The following SGPL1 variants were observed in gnomAD, a reference collection of about 807,000 sequenced individuals.
SGPL1 encodes sphingosine-1-phosphate lyase 1.
In SGPL1, 37 loss-of-function variants were observed where a neutral mutation model predicts 68.9. The observed-to-expected ratio is 0.54, with a 90% CI of 0.41 to 0.71. The LOEUF is 0.71. SGPL1 is among the 30% of genes least tolerant of loss of function. The pLI is 0.00. For missense variants in SGPL1, 551 were observed against 704.6 expected, an observed-to-expected ratio of 0.78 and a Z score of 2.47; for synonymous variants, 236 against 248.5, an observed-to-expected ratio of 0.95 and a Z score of 0.47.
chr10:70,837,289 G>A (rs1224609654), intron 2 of SGPL1, among the ~76,000 whole-genome samples: 1 of 151,834 alleles, frequency 6.6e-6, no homozygotes, highest in Non-Finnish European at 1.5e-5. Context: ...TGTTAGCCAG[G>A]CTGGTCTCAA....
chr10:70,879,542 G>C lies in SGPL1; in HGVS notation c.*2207G>C, dbSNP rs1258937574. 1 of 152,496 alleles carries C rather than the reference G, an allele frequency of 6.6e-6. No homozygotes were observed. The highest frequency in any genetic ancestry group is 1.5e-5 in the Non-Finnish European group (1 of 68,330). 9.4% of individuals were successfully genotyped at this position (152,496 alleles called of 1,614,324 possible). A position where few individuals can be genotyped will look rare whatever the true frequency, so the allele number is the denominator to read the frequency against. Reference sequence around the variant, plus strand: ...AGCTGTTTGGTCAGTGCATTATGTTGAATGAGGTCCAGGAACCCAGAGCCA... The same window carrying C: ...AGCTGTTTGGTCAGTGCATTATGTTCAATGAGGTCCAGGAACCCAGAGCCA... On this transcript the variant is annotated 3_prime_UTR_variant, in exon 15 of 15. Transcript: ENST00000373202.
chr10:70,836,117 CT>C (rs2131870514), intron 2 of SGPL1, among the ~76,000 whole-genome samples: 1 of 152,326 alleles, frequency 6.6e-6, no homozygotes, highest in South Asian at 2.1e-4. Context: ...ATCTGTGTGC[CT>C]GTGGCAGTTC....
chr10:70,837,466 T>C (rs983936670), intron 2 of SGPL1, among the ~76,000 whole-genome samples: 2 of 152,220 alleles, frequency 1.3e-5, no homozygotes, highest in Admixed American at 1.3e-4. Flanking sequence ...TTATTCCCTC[T>C]GTAATCAGAG....
intron 9 of SGPL1, among the ~76,000 whole-genome samples, 156 bp from the exon 10 acceptor site, chr10:70,870,892 G>A (rs1846282336): frequency 1.3e-5 from 2 of 152,194 alleles, no homozygotes; most frequent in Non-Finnish European, 2.9e-5. Flanking sequence ...TCCTGTCACC[G>A]TGGTGGGATG....
intron 2 of SGPL1, among the ~76,000 whole-genome samples, chr10:70,822,290 A>G (rs930046504): frequency 6.6e-6 from 1 of 152,226 alleles, no homozygotes; most frequent in Non-Finnish European, 1.5e-5. Flanking sequence ...TCCCAGTGTT[A>G]TAGATGAAAC....
Position 70,868,355 on chromosome 10 carries a change from G to C in SGPL1, c.626G>C (p.Gly209Ala). ...TCTTCTTTATTATAGGTGACTTCTGGGGGAACAGAAAGCATACTGATGGCC... is the reference window on the plus strand; with the variant it reads ...TCTTCTTTATTATAGGTGACTTCTGCGGGAACAGAAAGCATACTGATGGCC... ...GPDSCGCVTSGGTESILMACK... is the reference protein window; with the variant it reads ...GPDSCGCVTSAGTESILMACK... Residue 209 changes from glycine (G) to alanine (A), a missense_variant, in exon 8 of 15, where the codon GGG (glycine) becomes GCG (alanine). Transcript: ENST00000373202. The C allele has an allele frequency of 6.2e-7, 1 of 1,611,458 alleles. No individual in the cohort carries two copies. The highest frequency in any genetic ancestry group is 8.5e-7 in the Non-Finnish European group (1 of 1,178,698).
intron 2 of SGPL1, among the ~76,000 whole-genome samples, chr10:70,832,790 C>T (rs933120136): frequency 6.6e-6 from 1 of 152,184 alleles, no homozygotes; most frequent in African/African-American, 2.4e-5. Flanking sequence ...ATCTTACCTA[C>T]TTGCCTTAGG....
intron 2 of SGPL1, among the ~76,000 whole-genome samples, chr10:70,818,185 A>G (rs1393321613): frequency 6.6e-6 from 1 of 152,182 alleles, no homozygotes; most frequent in East Asian, 1.9e-4. Context: ...CAATGGCACA[A>G]TCTCAGCTCA....
chr10:70,862,430 A>T (rs998182645), intron 7 of SGPL1, among the ~76,000 whole-genome samples: 1 of 152,132 alleles, frequency 6.6e-6, no homozygotes, highest in Non-Finnish European at 1.5e-5. Context: ...TGGCTCTACC[A>T]ATCAGCAGGA....
intron 2 of SGPL1, among the ~76,000 whole-genome samples, chr10:70,841,163 T>C (rs1589455342): frequency 1.3e-5 from 2 of 152,136 alleles, no homozygotes; most frequent in East Asian, 3.9e-4. Flanking sequence ...TGCCATTGCT[T>C]TGGATTGAGG....
chr10:70,851,298 G>C, intron 4 of SGPL1, 88 bp downstream of exon 4: 1 of 1,169,306 alleles, frequency 8.6e-7, no homozygotes, highest in Admixed American at 1.8e-5. Flanking sequence ...TTCTCAAAGT[G>C]GAGGGGTGAT....
Position 70,857,678 on chromosome 10 carries a change from G to A in SGPL1, c.474G>A (p.Glu158=). The change falls in exon 6 of 15, where the codon GAG becomes GAA. Residue 158 remains glutamate, a synonymous_variant. Coordinates refer to ENST00000373202, the MANE Select transcript of SGPL1 (RefSeq NM_003901.4). ...ACAGTGGGGAGGAGAAGCTCACTGA[G>A]CTCCTTGTGAAGGTGAGTGTCCAGT... The part of the protein sequence containing the change: ...TVYSGEEKLT[E]LLVKAYGDFA... 3 of 1,610,766 alleles carry A rather than the reference G, an allele frequency of 1.9e-6. No individual in the cohort carries two copies. The highest frequency in any genetic ancestry group is 1.7e-6 in the Non-Finnish European group (2 of 1,177,948).
At chr10:70,821,820 A>G (rs1057471420) in intron 2 of SGPL1, among the ~76,000 whole-genome samples, 34 of 151,998 alleles carry the variant, frequency 2.2e-4, no homozygotes, top group Non-Finnish European at 7.4e-5. Context: ...CGTGTCTGTT[A>G]TTGTCTCACT....
At chr10:70,861,243 T>TAG (rs1377776132) in intron 7 of SGPL1, among the ~76,000 whole-genome samples, 2 of 146,598 alleles carry the variant, frequency 1.4e-5, no homozygotes, top group Admixed American at 1.4e-4. Flanking sequence ...GACAAAGAAA[T>TAG]AGAAGGTATG....
chr10:70,822,756 A>G (rs953969148), intron 2 of SGPL1, among the ~76,000 whole-genome samples: 15 of 151,420 alleles, frequency 9.9e-5, no homozygotes, highest in African/African-American at 3.6e-4. Context: ...TAGGTGAAAC[A>G]TCTAAGGGCT....
Position 70,859,348 on chromosome 10 carries a change from C to T in SGPL1, c.487-23C>T, listed in dbSNP as rs528524493. 10 of 1,400,630 alleles carry T rather than the reference C, an allele frequency of 7.1e-6. No homozygotes were observed. The South Asian group carries it at 1.1e-4, about 15-fold the overall frequency. The allele number at this position is 1,400,630 out of a possible 1,614,324, so 86.8% of individuals were successfully genotyped here. A position where few individuals can be genotyped will look rare whatever the true frequency, so the allele number is the denominator to read the frequency against. ...GTATAGTGTAATAGTTTTGATTTCA[C>T]ATCTGCTTGCATTTTTTTGCAGGCT... On this transcript the variant is annotated intron_variant, in intron 6 of 14. Coordinates refer to ENST00000373202, the MANE Select transcript of SGPL1 (RefSeq NM_003901.4).
chr10:70,862,026 A>C (rs1001903513), intron 7 of SGPL1, among the ~76,000 whole-genome samples: 3 of 150,972 alleles, frequency 2.0e-5, no homozygotes, highest in Non-Finnish European at 3.0e-5. Flanking sequence ...TGAGGAGTGC[A>C]GGCGCACAGC....
intron 14 of SGPL1, 116 bp downstream of exon 14, chr10:70,876,777 CT>C: frequency 1.1e-6 from 1 of 941,388 alleles, no homozygotes; most frequent in Non-Finnish European, 1.6e-6. Context: ...CCACAGACAT[CT>C]TTTATTTGTT....
At chr10:70,854,261 A>C (rs1411491048) in intron 4 of SGPL1, among the ~76,000 whole-genome samples, 1 of 148,358 alleles carries the variant, frequency 6.7e-6, no homozygotes, top group Middle Eastern at 3.5e-3. Flanking sequence ...TGCAACCTCC[A>C]CCTCCTGGGT....
Sources: gnomAD v4.1 joint callset for allele counts (sites outside exome capture counted in the v4.1 genomes callset) on GRCh38, gnomAD v4.1.1 for gene constraint, MANE v1.5 for transcripts, NCBI Gene and HGNC (gene_info 2026-07-23, HGNC 2026-07-21) for gene names.